The following MARCHF8 variants were observed in gnomAD, a reference collection of about 807,000 sequenced individuals.
MARCHF8 encodes the protein membrane associated ring-CH-type finger 8.
In MARCHF8, 40 loss-of-function variants were observed where a neutral mutation model predicts 51.6. The observed-to-expected ratio is 0.77, with a 90% CI of 0.60 to 1.01. The LOEUF is 1.01. Among genes scored for constraint, MARCHF8 ranks in the 50% least tolerant of loss-of-function variants. The pLI is 0.00. For missense variants in MARCHF8, 685 were observed against 708.6 expected, an observed-to-expected ratio of 0.97 and a Z score of 0.38; for synonymous variants, 263 against 280.3, an observed-to-expected ratio of 0.94 and a Z score of 0.62.
In MARCHF8 at chr10:45,458,478, G is replaced by A. The variant is rs139376736; in HGVS notation, c.1483C>T (p.Leu495Phe). 1 of 1,613,086 alleles carries A rather than the reference G, an allele frequency of 6.2e-7. No homozygotes were observed. The highest frequency in any genetic ancestry group is 1.1e-5 in the South Asian group (1 of 90,648). Residue 495 changes from leucine (L) to phenylalanine (F), a missense_variant, in exon 8 of 8, where the codon CTT becomes TTT. Physicochemically the swap from Leu to Phe is conservative, Grantham distance 22. Transcript: ENST00000453424. ...VVAIGFTGGL[L>F]FMYVQCKVYV... ...ACTTTACACTGAACATACATAAAAA[G>A]AAGTCCTCCGGTGAAGCCGATGGCC...
At chr10:45,577,578 C>A (rs2044504668) in intron 1 of MARCHF8, among the ~76,000 whole-genome samples, 1 of 152,030 alleles carries the variant, frequency 6.6e-6, no homozygotes, top group Non-Finnish European at 1.5e-5. Context: ...TTTTGCCCTT[C>A]CACTTTTCCA....
intron 3 of MARCHF8, among the ~76,000 whole-genome samples, chr10:45,473,505 T>C (rs967334833): frequency 6.6e-6 from 1 of 152,164 alleles, no homozygotes; most frequent in African/African-American, 2.4e-5. Flanking sequence ...TGGACCAAGT[T>C]TGATTCCCAG....
intron 1 of MARCHF8, among the ~76,000 whole-genome samples, chr10:45,585,142 A>T (rs34793991): frequency 6.6e-6 from 1 of 152,324 alleles, no homozygotes; most frequent in East Asian, 1.9e-4. Flanking sequence ...TAAGCCTCTA[A>T]GTTTGTGGTA....
At chr10:45,513,180 T>C (rs2043560938) in intron 2 of MARCHF8, among the ~76,000 whole-genome samples, 1 of 151,408 alleles carries the variant, frequency 6.6e-6, no homozygotes, top group South Asian at 2.1e-4. Context: ...CCTATGACCC[T>C]GCCAACTCCC....
At chr10:45,542,926 T>C (rs1397863065) in intron 1 of MARCHF8, among the ~76,000 whole-genome samples, 1 of 152,156 alleles carries the variant, frequency 6.6e-6, no homozygotes, top group Admixed American at 6.5e-5. Flanking sequence ...GCAAGAAAAC[T>C]TCACTTGACT....
intron 2 of MARCHF8, among the ~76,000 whole-genome samples, chr10:45,498,178 T>C (rs924382535): frequency 2.6e-5 from 4 of 152,208 alleles, no homozygotes; most frequent in Non-Finnish European, 5.9e-5. Flanking sequence ...GTATGCATAA[T>C]ATAAAATTCA....
chr10:45,464,022 G>A (rs1842885124), intron 4 of MARCHF8, 26 bp from the exon 5 acceptor site: 2 of 1,512,810 alleles, frequency 1.3e-6, no homozygotes, highest in African/African-American at 1.4e-5. Flanking sequence ...TGGGATAAAA[G>A]CACAGAAAGT....
intron 2 of MARCHF8, among the ~76,000 whole-genome samples, chr10:45,501,634 G>C (rs996487433): frequency 6.6e-6 from 1 of 152,046 alleles, no homozygotes; most frequent in African/African-American, 2.4e-5. Flanking sequence ...TTAAGAAACT[G>C]ATCAATTAAA....
intron 1 of MARCHF8, among the ~76,000 whole-genome samples, chr10:45,568,092 T>C (rs12778143): frequency 0.056 from 8,474 of 152,254 alleles, 286 homozygotes; most frequent in Non-Finnish European, 0.066. Context: ...TGTTGACAAA[T>C]AGAAATGCTA....
rs767888181 is a variant in MARCHF8 at position 45,458,470 on chromosome 10, C to T, written c.1491G>A (p.Met497Ile). 4 of 1,613,444 alleles carry T rather than the reference C, an allele frequency of 2.5e-6. No individual in the cohort carries two copies. The highest frequency in any genetic ancestry group is 3.4e-6 in the Non-Finnish European group (4 of 1,179,868). ...AIGFTGGLLFMYVQCKVYVQL... is the reference protein window; with the variant it reads ...AIGFTGGLLFIYVQCKVYVQL... ...GCACATACACTTTACACTGAACATA[C>T]ATAAAAAGAAGTCCTCCGGTGAAGC... Residue 497 changes from methionine (M) to isoleucine (I), a missense_variant, in exon 8 of 8, where the codon ATG becomes ATA. Transcript: ENST00000453424.
intron 1 of MARCHF8, among the ~76,000 whole-genome samples, chr10:45,569,941 A>G (rs1032656654): frequency 6.6e-6 from 1 of 152,224 alleles, no homozygotes; most frequent in East Asian, 1.9e-4. Context: ...GAGGATGGAA[A>G]GATAAACCAC....
intron 3 of MARCHF8, among the ~76,000 whole-genome samples, chr10:45,467,074 TG>T (rs1032584850): frequency 6.6e-6 from 1 of 152,168 alleles, no homozygotes; most frequent in Non-Finnish European, 1.5e-5. Context: ...CTGGCAGGGC[TG>T]GGGAGATTCT....
chr10:45,505,967 G>A (rs1350828055), intron 2 of MARCHF8, among the ~76,000 whole-genome samples: 4 of 152,150 alleles, frequency 2.6e-5, no homozygotes, highest in Non-Finnish European at 4.4e-5. Flanking sequence ...CCGCATCTGC[G>A]TGTCTATGTG....
intron 3 of MARCHF8, among the ~76,000 whole-genome samples, chr10:45,486,087 T>C (rs2042974070): frequency 6.6e-6 from 1 of 152,206 alleles, no homozygotes. Flanking sequence ...GCTAACTATC[T>C]TCGTTACAAA....
At chr10:45,559,339 T>C (rs2044285098) in intron 1 of MARCHF8, among the ~76,000 whole-genome samples, 2 of 152,262 alleles carry the variant, frequency 1.3e-5, no homozygotes, top group African/African-American at 2.4e-5. Context: ...AATGAATTTT[T>C]AAGAAATACA....
intron 1 of MARCHF8, among the ~76,000 whole-genome samples, chr10:45,577,427 C>T (rs368041439): frequency 1.1e-4 from 16 of 152,146 alleles, no homozygotes; most frequent in East Asian, 5.8e-4. Flanking sequence ...CCCTATTTGC[C>T]GCGATATGAT....
At chr10:45,548,311 CAG>C (rs1247097652) in intron 1 of MARCHF8, among the ~76,000 whole-genome samples, 1 of 152,154 alleles carries the variant, frequency 6.6e-6, no homozygotes, top group Non-Finnish European at 1.5e-5. Context: ...AGTAGAGTAA[CAG>C]AGAGACACCA....
chr10:45,486,431 G>A lies in MARCHF8; in HGVS notation c.153+2936C>T, dbSNP rs190442724. ...ATACAAAAATTAGCTGGGCGTGGTG[G>A]CACGCACCTGTAATCCCAGCTACTC... On this transcript the variant is annotated intron_variant, in intron 3 of 7. Coordinates refer to ENST00000453424, the MANE Select transcript of MARCHF8 (RefSeq NM_001282866.2). 6.0e-3 allele frequency among the ~76,000 whole-genome samples: 917 copies of A among 152,272 alleles called. 10 individuals are homozygous for A. Among genetic ancestry groups the A allele is most frequent in the African/African-American group, 0.021 (858 of 41,560 alleles).
chr10:45,546,018 C>T (rs2044115771), intron 1 of MARCHF8, among the ~76,000 whole-genome samples: 2 of 152,160 alleles, frequency 1.3e-5, no homozygotes, highest in Admixed American at 1.3e-4. Context: ...ACCACAAGGT[C>T]TCCATATGTT....
Sources: gnomAD v4.1 joint callset for allele counts (sites outside exome capture counted in the v4.1 genomes callset) on GRCh38, gnomAD v4.1.1 for gene constraint, MANE v1.5 for transcripts, NCBI Gene and HGNC (gene_info 2026-07-23, HGNC 2026-07-21) for gene names.